Variants in DGKB observed in about 807,000 individuals in gnomAD.
DGKB encodes diacylglycerol kinase beta.
DGKB carries 67 observed loss-of-function variants against 114.3 expected under a neutral mutation model. The ratio of observed to expected loss-of-function variants is 0.59; its 90% CI spans 0.48 to 0.72. The LOEUF is 0.72. Ranked by LOEUF, DGKB falls within the 30% of genes least tolerant of loss-of-function variation. The pLI is 0.00. For synonymous variants in DGKB, 398 were observed against 323.1 expected (o/e 1.23, Z -2.49); for missense variants, 907 against 975.2 (o/e 0.93, Z 0.93).
chr7:14,814,357 G>A (rs981816583), intron 2 of DGKB, among the ~76,000 whole-genome samples: 1 of 151,988 alleles, frequency 6.6e-6, no homozygotes, highest in African/African-American at 2.4e-5. Context: ...GAAAAAAATG[G>A]GATTTTTAAA....
chr7:14,421,057 G>A (rs1826594567), intron 21 of DGKB, among the ~76,000 whole-genome samples: 1 of 152,062 alleles, frequency 6.6e-6, no homozygotes, highest in Admixed American at 6.6e-5. Context: ...ATCCATTTCA[G>A]CCTCTGATTG....
chr7:14,515,841 G>A (rs1279253388), intron 20 of DGKB, among the ~76,000 whole-genome samples: 1 of 152,102 alleles, frequency 6.6e-6, no homozygotes, highest in Non-Finnish European at 1.5e-5. Flanking sequence ...CTTTAGAAGA[G>A]TTAGATTTTA....
At chr7:14,196,604 C>A (rs1785049192) in intron 23 of DGKB, among the ~76,000 whole-genome samples, 2 of 151,866 alleles carry the variant, frequency 1.3e-5, no homozygotes, top group South Asian at 4.2e-4. Context: ...AAATTAATTC[C>A]ATTTGTAAAT....
intron 20 of DGKB, among the ~76,000 whole-genome samples, chr7:14,518,835 C>A (rs1789273675): frequency 1.3e-5 from 2 of 152,002 alleles, no homozygotes; most frequent in African/African-American, 4.8e-5. Context: ...GCACATACCA[C>A]AATCACCCAG....
At chr7:14,188,887 G>A (rs956809230) in intron 23 of DGKB, among the ~76,000 whole-genome samples, 2 of 151,912 alleles carry the variant, frequency 1.3e-5, no homozygotes, top group African/African-American at 4.8e-5. Context: ...TATATTCAAA[G>A]TGCTGAAAGA....
chr7:14,611,524 G>A (rs1805538605), intron 16 of DGKB, among the ~76,000 whole-genome samples: 1 of 152,098 alleles, frequency 6.6e-6, no homozygotes, highest in Non-Finnish European at 1.5e-5. Context: ...TATGCAGGCA[G>A]AAAAATTATG....
At chr7:14,316,688 C>T (rs1414845721) in intron 23 of DGKB, among the ~76,000 whole-genome samples, 6 of 146,512 alleles carry the variant, frequency 4.1e-5, no homozygotes, top group African/African-American at 7.6e-5. Flanking sequence ...GATTCACAGC[C>T]GAATTCTACC....
intron 13 of DGKB, among the ~76,000 whole-genome samples, chr7:14,652,179 C>A (rs1387866920): frequency 6.2e-5 from 9 of 144,986 alleles, no homozygotes; most frequent in East Asian, 2.0e-4. Context: ...CAAAAAAGAG[C>A]CCACATCACC....
At chr7:14,911,122 ATGT>A (rs1783981394) in intron 1 of DGKB, among the ~76,000 whole-genome samples, 1 of 152,084 alleles carries the variant, frequency 6.6e-6, no homozygotes, top group African/African-American at 2.4e-5. Context: ...GTAGTAAAAC[ATGT>A]TATTATAGTT....
At chr7:14,270,618 A>G (rs1213115720) in intron 23 of DGKB, among the ~76,000 whole-genome samples, 1 of 152,260 alleles carries the variant, frequency 6.6e-6, no homozygotes, top group Non-Finnish European at 1.5e-5. Flanking sequence ...AAATAGGTGC[A>G]TAAGTTAAAA....
At chr7:14,703,900 G>C (rs1465969614) in intron 6 of DGKB, among the ~76,000 whole-genome samples, 1 of 151,932 alleles carries the variant, frequency 6.6e-6, no homozygotes, top group Non-Finnish European at 1.5e-5. Flanking sequence ...ACTTAACGTT[G>C]GTTTTAAAAA....
chr7:14,386,081 T>C (rs1419580225), intron 21 of DGKB, among the ~76,000 whole-genome samples: 1 of 152,236 alleles, frequency 6.6e-6, no homozygotes. Context: ...TTTGAACTTA[T>C]TTGAACATAG....
At chr7:14,905,551 CT>C (rs1783658593), upstream of DGKB, among the ~76,000 whole-genome samples, 1 of 152,118 alleles carries the variant, frequency 6.6e-6, no homozygotes, top group Non-Finnish European at 1.5e-5. Flanking sequence ...GAAAAATGAA[CT>C]TGCTCTATAC....
chr7:14,888,994 G>A (rs113423825), intron 1 of DGKB, among the ~76,000 whole-genome samples: 5,584 of 151,644 alleles, frequency 0.037, 245 homozygotes, highest in Admixed American at 0.13. Context: ...GTAGCAGCCA[G>A]GAAATGTTAA....
chr7:14,285,622 C>G (rs957996183), intron 23 of DGKB, among the ~76,000 whole-genome samples: 3 of 152,112 alleles, frequency 2.0e-5, no homozygotes, highest in Non-Finnish European at 4.4e-5. Flanking sequence ...TAAACTGCAC[C>G]TGATAATTCA....
chr7:14,750,565 C>T (rs1016503289), intron 4 of DGKB, among the ~76,000 whole-genome samples: 1 of 152,096 alleles, frequency 6.6e-6, no homozygotes, highest in Non-Finnish European at 1.5e-5. Flanking sequence ...GCTTCCATAA[C>T]TCATATCTAG....
intron 1 of DGKB, among the ~76,000 whole-genome samples, chr7:14,883,078 G>T (rs1854484847): frequency 6.6e-6 from 1 of 151,844 alleles, no homozygotes; most frequent in Non-Finnish European, 1.5e-5. Context: ...TGACATGAAA[G>T]CATGCTTTCC....
chr7:14,649,939 G>T (rs1454754328), intron 13 of DGKB, among the ~76,000 whole-genome samples: 1 of 146,626 alleles, frequency 6.8e-6, no homozygotes, highest in African/African-American at 2.6e-5. Context: ...TCAACTAGAA[G>T]AGCTAACTAT....
chr7:14,307,487 A>G (rs1804682376), intron 23 of DGKB, among the ~76,000 whole-genome samples: 1 of 152,178 alleles, frequency 6.6e-6, no homozygotes, highest in African/African-American at 2.4e-5. Flanking sequence ...TCTAAATGAA[A>G]GATGAGCAGT....
Sources: gnomAD v4.1 joint callset for allele counts (sites outside exome capture counted in the v4.1 genomes callset) on GRCh38, gnomAD v4.1.1 for gene constraint, MANE v1.5 for transcripts, NCBI Gene and HGNC (gene_info 2026-07-23, HGNC 2026-07-21) for gene names.